F13A1: variants seen among roughly 807,000 people sequenced by gnomAD.
The protein encoded by F13A1 is FSF, A subunit.
F13A1 carries 47 observed loss-of-function variants against 80.1 expected under a neutral mutation model. That is an observed-to-expected ratio of 0.59 (90% CI 0.46 to 0.75). The LOEUF is 0.75. F13A1 is among the 30% of genes least tolerant of loss of function. The pLI is 0.00. For missense variants in F13A1, 817 were observed against 930.4 expected (o/e 0.88, Z 1.59); for synonymous variants, 349 against 344.9 (o/e 1.01, Z -0.13).
intron 3 of F13A1, among the ~76,000 whole-genome samples, chr6:6,275,117 G>A (rs1266768975): frequency 1.3e-5 from 2 of 151,960 alleles, no homozygotes; most frequent in East Asian, 3.9e-4. Flanking sequence ...GTTTGAGAGG[G>A]ACAAGAGTGG....
intron 10 of F13A1, among the ~76,000 whole-genome samples, 172 bp from the exon 11 acceptor site, chr6:6,182,313 C>T (rs568070170): frequency 7.9e-4 from 121 of 152,242 alleles, no homozygotes; most frequent in Admixed American, 1.5e-3. Flanking sequence ...ATTCTAAAGG[C>T]GAATCTAGTT....
intron 14 of F13A1, among the ~76,000 whole-genome samples, chr6:6,148,493 C>T (rs193042936): frequency 6.6e-6 from 1 of 152,270 alleles, no homozygotes; most frequent in East Asian, 1.9e-4. Flanking sequence ...GAGCTGTATT[C>T]TAGAAAGAAA....
At chr6:6,308,505 T>A (rs1013948196) in intron 2 of F13A1, among the ~76,000 whole-genome samples, 1 of 151,350 alleles carries the variant, frequency 6.6e-6, no homozygotes, top group Non-Finnish European at 1.5e-5. Context: ...AAATAAACAG[T>A]CTATTATTTC....
chr6:6,145,577 C>T lies in F13A1; in HGVS notation c.*42G>A, dbSNP rs886061659. On this transcript the variant is annotated 3_prime_UTR_variant, in exon 15 of 15. Coordinates refer to ENST00000264870, the MANE Select transcript of F13A1 (RefSeq NM_000129.4). The stretch of plus-strand genomic sequence containing the variant: ...GTTAGAATTTCCTTAGCCAAGACTA[C>T]AAGAGGCCAAATGCCAGGGTTCATC... 6.2e-7 allele frequency: 1 copy of T among 1,613,966 alleles called. No homozygotes were observed. The highest frequency in any genetic ancestry group is 8.5e-7 in the Non-Finnish European group (1 of 1,179,888).
At chr6:6,152,828 A>G (rs1760402904) in intron 13 of F13A1, among the ~76,000 whole-genome samples, 1 of 152,232 alleles carries the variant, frequency 6.6e-6, no homozygotes, top group African/African-American at 2.4e-5. Flanking sequence ...GGTGGCTATA[A>G]GACTTGTTTG....
chr6:6,299,892 G>T (rs1419787700), intron 3 of F13A1, among the ~76,000 whole-genome samples: 1 of 147,276 alleles, frequency 6.8e-6, no homozygotes, highest in Non-Finnish European at 1.5e-5. Flanking sequence ...ATCTACTTTT[G>T]GTCTTTGATG....
At chr6:6,219,291 C>A (rs768629435) in intron 8 of F13A1, among the ~76,000 whole-genome samples, 1 of 151,862 alleles carries the variant, frequency 6.6e-6, no homozygotes, top group Non-Finnish European at 1.5e-5. Context: ...AAATCATTCC[C>A]ACCCCCACCT....
intron 3 of F13A1, among the ~76,000 whole-genome samples, chr6:6,274,396 G>C (rs1369886892): frequency 6.6e-6 from 1 of 152,188 alleles, no homozygotes; most frequent in Non-Finnish European, 1.5e-5. Context: ...TTTTTTGAGT[G>C]AATCAGAAAG....
At chr6:6,271,543 C>T (rs1013973752) in intron 3 of F13A1, among the ~76,000 whole-genome samples, 1 of 152,144 alleles carries the variant, frequency 6.6e-6, no homozygotes, top group African/African-American at 2.4e-5. Flanking sequence ...TGCAACTTTG[C>T]GTTAAAAACA....
At chr6:6,320,037 G>A (rs1758751570) in intron 1 of F13A1, among the ~76,000 whole-genome samples, 1 of 152,212 alleles carries the variant, frequency 6.6e-6, no homozygotes, top group Non-Finnish European at 1.5e-5. Context: ...AGGGGGAGAA[G>A]GGGGGAGCCC....
At chr6:6,280,688 G>T (rs765392896) in intron 3 of F13A1, among the ~76,000 whole-genome samples, 1 of 152,168 alleles carries the variant, frequency 6.6e-6, no homozygotes, top group Non-Finnish European at 1.5e-5. Flanking sequence ...GATGCCTTGT[G>T]GGGGAACACA....
At chr6:6,167,696 A>T in intron 12 of F13A1, 78 bp from the exon 13 acceptor site, 2 of 1,527,554 alleles carry the variant, frequency 1.3e-6, no homozygotes, top group Non-Finnish European at 1.8e-6. Context: ...AAGTTTCCCT[A>T]CCCCTCCCAC....
intron 8 of F13A1, among the ~76,000 whole-genome samples, chr6:6,197,576 GC>G (rs2151082751): frequency 6.6e-6 from 1 of 152,254 alleles, no homozygotes; most frequent in South Asian, 2.1e-4. Flanking sequence ...TACTTGGGAG[GC>G]TGAGGCAGGA....
chr6:6,146,731 G>C (rs1173147294), intron 14 of F13A1, among the ~76,000 whole-genome samples: 3 of 152,160 alleles, frequency 2.0e-5, no homozygotes. Flanking sequence ...AATGGGCAGA[G>C]ATGAAATTTG....
At position 6,195,889 on chromosome 6, in the gene F13A1, C is replaced by T; in HGVS notation, c.1217-4G>A. On this transcript the variant is annotated splice_polypyrimidine_tract_variant and splice_region_variant and intron_variant, in intron 9 of 14. Transcript: ENST00000264870. The stretch of plus-strand genomic sequence containing the variant: ...GCGGGGCCACACCGATACATGCCTG[C>T]ATTGCACAGAGGAAGGGCGGTGTGA... The T allele has an allele frequency of 6.2e-7, 1 of 1,613,988 alleles. No homozygotes were observed. The highest frequency in any genetic ancestry group is 8.5e-7 in the Non-Finnish European group (1 of 1,179,902).
At chr6:6,184,747 C>A (rs1040613342) in intron 10 of F13A1, among the ~76,000 whole-genome samples, 3 of 152,128 alleles carry the variant, frequency 2.0e-5, no homozygotes, top group African/African-American at 4.8e-5. Context: ...TTCCTGCCCC[C>A]CCACCTTGAA....
rs1428550623 is a variant in F13A1 at position 6,243,392 on chromosome 6, A to C, written c.798+4920T>G. 6.6e-6 allele frequency among the ~76,000 whole-genome samples: 1 copy of C among 152,050 alleles called. No homozygotes were observed. Among genetic ancestry groups the C allele is most frequent in the Non-Finnish European group, 1.5e-5 (1 of 67,984 alleles). ...CACCAAACACCACCACCATTATCATATCATATTTGGTACCTGATCGTCTTT... is the reference window on the plus strand; with the variant it reads ...CACCAAACACCACCACCATTATCATCTCATATTTGGTACCTGATCGTCTTT... On this transcript the variant is annotated intron_variant, in intron 6 of 14. Coordinates refer to ENST00000264870, the MANE Select transcript of F13A1 (RefSeq NM_000129.4). This position sits in a 1 kb window ranked among gnomAD's most constrained non-coding sequence, Gnocchi z 4.2.
chr6:6,197,439 G>A, intron 8 of F13A1, 113 bp from the exon 9 acceptor site: 2 of 986,460 alleles, frequency 2.0e-6, no homozygotes, highest in Non-Finnish European at 3.1e-6. Context: ...CAGCAATTTG[G>A]GAGGCCAAGG....
intron 3 of F13A1, among the ~76,000 whole-genome samples, chr6:6,271,814 C>T (rs1019976277): frequency 2.0e-5 from 3 of 152,222 alleles, no homozygotes; most frequent in African/African-American, 4.8e-5. Context: ...AAGGCAAAAG[C>T]CGCTTGGACC....
Sources: allele counts gnomAD v4.1 joint callset (sites outside exome capture counted in the v4.1 genomes callset), GRCh38; gene constraint gnomAD v4.1.1; non-coding constraint Gnocchi (gnomAD v3.1); transcripts MANE v1.5; gene names NCBI Gene and HGNC (gene_info 2026-07-23, HGNC 2026-07-21).